FDCSP: variants seen among roughly 807,000 people sequenced by gnomAD.
FDCSP encodes follicular dendritic cell secreted peptide.
Under a neutral mutation model 8.9 loss-of-function variants are expected in FDCSP, and 8 were observed. The observed-to-expected ratio is 0.90, with a 90% CI of 0.53 to 1.63. FDCSP has a LOEUF of 1.63. FDCSP is among the 40% of genes most tolerant of loss of function. The probability of loss-of-function intolerance (pLI) is 0.00; values close to 1 mark genes in which losing one functional copy is unlikely to be tolerated. For missense variants in FDCSP, 101 were observed against 103.6 expected (o/e 0.98, Z 0.11); for synonymous variants, 34 against 34.5 (o/e 0.98, Z 0.06).
In FDCSP at chr4:70,226,546, GC is replaced by G. The variant is rs1372661401; in HGVS notation, c.-1+368del. 1.8e-4 allele frequency among the ~76,000 whole-genome samples: 27 copies of G among 151,824 alleles called. No individual in the cohort carries two copies. The East Asian group carries it at 4.5e-3, about 25-fold the overall frequency. The stretch of plus-strand genomic sequence containing the variant: ...TCAGGTCAGCAAACAGAGGGAATAC[GC>G]CCCGCCAGAGATTCTCTAAAGTCTG... On this transcript the variant is annotated intron_variant, in intron 1 of 4. Transcript: ENST00000317987.
intron 3 of FDCSP, 54 bp from the exon 4 acceptor site, chr4:70,233,966 T>C (rs1730130376): frequency 1.3e-6 from 2 of 1,506,548 alleles, no homozygotes; most frequent in African/African-American, 1.4e-5. Context: ...AGCTGTTTTA[T>C]TTCTCTTCTT....
rs778306972 is a variant in FDCSP, at chr4:70,234,051, T to A, written c.122T>A (p.Phe41Tyr). 1.6e-5 allele frequency: 26 copies of A among 1,607,384 alleles called. No homozygotes were observed. The change falls in exon 4 of 5, where the codon TTT becomes TAT. Residue 41 changes from phenylalanine (F) to tyrosine (Y), a missense_variant. By Grantham distance (22) the Phe-to-Tyr change is conservative. Coordinates refer to ENST00000317987, the MANE Select transcript of FDCSP (RefSeq NM_152997.4). ...GACAGCGATGAATTAGCTTCAGGGT[T>A]TTTTGTGTTCCCTTACCCATATCCA... ...ISDSDELASGFFVFPYPYPFR... is the reference protein window; with the variant it reads ...ISDSDELASGYFVFPYPYPFR...
chr4:70,232,884 A>T (rs538110490), intron 2 of FDCSP, 110 bp from the exon 3 acceptor site: 1 of 960,772 alleles, frequency 1.0e-6, no homozygotes, highest in African/African-American at 1.7e-5. Flanking sequence ...TATTTTAAAA[A>T]ATGGTTATTA....
In FDCSP at chr4:70,234,061, C is replaced by T. The variant is rs192079267; in HGVS notation, c.132C>T (p.Phe44=). 5.6e-6 allele frequency: 9 copies of T among 1,609,512 alleles called. No homozygotes were observed. The African/African-American group carries it at 9.4e-5, about 17-fold the overall frequency. Reference sequence around the variant, plus strand: ...AATTAGCTTCAGGGTTTTTTGTGTTCCCTTACCCATATCCATTTCGCCCAC... The same window carrying T: ...AATTAGCTTCAGGGTTTTTTGTGTTTCCTTACCCATATCCATTTCGCCCAC... The part of the protein sequence containing the change: ...SDELASGFFV[F]PYPYPFRPLP... The change falls in exon 4 of 5, where the codon TTC becomes TTT. Residue 44 remains phenylalanine (F), a synonymous_variant. Transcript: ENST00000317987.
At position 70,233,435 on chromosome 4, in the gene FDCSP, G is replaced by T. The variant is rs147149010; in HGVS notation, c.90+409G>T. 1.1e-4 allele frequency among the ~76,000 whole-genome samples: 16 copies of T among 151,806 alleles called. No individual in the cohort carries two copies. In the East Asian group the frequency reaches 2.9e-3, roughly 28 times the overall value. ...CCTCCCAGTGGCAAATTCACTCATGGATTATTTGGGTCTAAACAGTTAACT... is the reference window on the plus strand; with the variant it reads ...CCTCCCAGTGGCAAATTCACTCATGTATTATTTGGGTCTAAACAGTTAACT... On this transcript the variant is annotated intron_variant, in intron 3 of 4. Transcript: ENST00000317987.
intron 1 of FDCSP, 117 bp downstream of exon 1, chr4:70,226,299 G>A (rs1729983816): frequency 1.3e-5 from 2 of 151,858 alleles, no homozygotes. Context: ...TAATTGTTGA[G>A]ACTAAATTGT....
In FDCSP at chr4:70,233,975, T is replaced by A. The variant is rs770329535; in HGVS notation, c.91-45T>A. On this transcript the variant is annotated intron_variant, in intron 3 of 4. Coordinates refer to ENST00000317987, the MANE Select transcript of FDCSP (RefSeq NM_152997.4). ...AAGCAAAGCTGTTTTATTTCTCTTC[T>A]TTGTAAAAAGTGAAATAAACCCTTT... 13 of 1,525,714 alleles carry A rather than the reference T, an allele frequency of 8.5e-6. No individual in the cohort carries two copies. The Admixed American group carries it at 2.6e-4, about 31-fold the overall frequency. 94.5% of individuals were successfully genotyped at this position (1,525,714 alleles called of 1,614,324 possible). A position where few individuals can be genotyped will look rare whatever the true frequency, so the allele number is the denominator to read the frequency against.
intron 1 of FDCSP, among the ~76,000 whole-genome samples, chr4:70,229,708 G>A (rs889425932): frequency 5.9e-5 from 9 of 151,518 alleles, no homozygotes; most frequent in Non-Finnish European, 1.3e-4. Flanking sequence ...TGGAGCAATC[G>A]AAACATTCAC....
At chr4:70,232,861 G>C in intron 2 of FDCSP, 133 bp from the exon 3 acceptor site, 3 of 792,918 alleles carry the variant, frequency 3.8e-6, no homozygotes, top group Non-Finnish European at 6.1e-6. Flanking sequence ...TACATTTCTA[G>C]ACAAATTATG....
intron 1 of FDCSP, among the ~76,000 whole-genome samples, chr4:70,227,748 T>C (rs1730012082): frequency 6.6e-6 from 1 of 151,752 alleles, no homozygotes; most frequent in South Asian, 2.1e-4. Flanking sequence ...GCAGGTCAAA[T>C]GAATTTCTTG....
chr4:70,233,548 G>A (rs1730122994), intron 3 of FDCSP, among the ~76,000 whole-genome samples: 2 of 151,534 alleles, frequency 1.3e-5, no homozygotes, highest in Admixed American at 1.3e-4. Context: ...CCTGTTATCT[G>A]GAAAGCATGA....
chr4:70,234,270 A>G (rs763600623), intron 4 of FDCSP, 55 bp downstream of exon 4: 2 of 1,403,458 alleles, frequency 1.4e-6, no homozygotes, highest in South Asian at 2.9e-5. Flanking sequence ...ATTGGAATCC[A>G]TAATTTCAAG....
intron 4 of FDCSP, 61 bp from the exon 5 acceptor site, chr4:70,235,022 GTA>G (rs1241070513): frequency 6.6e-6 from 1 of 151,518 alleles, no homozygotes; most frequent in Admixed American, 6.6e-5. Flanking sequence ...TGCAGAAAAT[GTA>G]TATGTTTCCA....
At position 70,229,502 on chromosome 4, in the gene FDCSP, T is replaced by C. The variant is rs76540739; in HGVS notation, c.1-1693T>C. Among the ~76,000 whole-genome samples, 1,115 of 151,950 alleles carry C rather than the reference T, an allele frequency of 7.3e-3. 13 individuals carry two copies. Among genetic ancestry groups the C allele is most frequent in the African/African-American group, 0.025 (1,051 of 41,520 alleles). On this transcript the variant is annotated intron_variant, in intron 1 of 4. Coordinates refer to ENST00000317987, the MANE Select transcript of FDCSP (RefSeq NM_152997.4). ...CAAGATCCTAGCTTTCAGCTTATCTTGGCTTTTGACATTCCTTCTTCACTA... is the reference window on the plus strand; with the variant it reads ...CAAGATCCTAGCTTTCAGCTTATCTCGGCTTTTGACATTCCTTCTTCACTA...
intron 1 of FDCSP, among the ~76,000 whole-genome samples, chr4:70,229,556 G>A (rs1730044618): frequency 6.6e-6 from 1 of 151,644 alleles, no homozygotes; most frequent in Non-Finnish European, 1.5e-5. Flanking sequence ...ATGTAAAGTA[G>A]GAGACATGCG....
chr4:70,226,298 A>C (rs750493219), intron 1 of FDCSP, 116 bp downstream of exon 1: 1 of 152,082 alleles, frequency 6.6e-6, no homozygotes, highest in East Asian at 1.9e-4. Context: ...TTAATTGTTG[A>C]GACTAAATTG....
chr4:70,230,535 T>C (rs1404100220), intron 1 of FDCSP, among the ~76,000 whole-genome samples: 1 of 151,646 alleles, frequency 6.6e-6, no homozygotes, highest in Non-Finnish European at 1.5e-5. Context: ...TAAAATGCTT[T>C]GGAAAGTCCT....
intron 1 of FDCSP, among the ~76,000 whole-genome samples, chr4:70,226,578 G>C (rs193226259): frequency 2.7e-3 from 411 of 151,950 alleles, no homozygotes; most frequent in African/African-American, 9.3e-3. Context: ...GTCTGAGCAA[G>C]TGCCAATTTC....
chr4:70,232,098 T>C (rs145017970), intron 2 of FDCSP, among the ~76,000 whole-genome samples: 2,970 of 151,862 alleles, frequency 0.02, 36 homozygotes, highest in Non-Finnish European at 0.029. Flanking sequence ...AAGGTTAATT[T>C]ATTATCAAGG....
Sources: gnomAD v4.1 joint callset for allele counts (sites outside exome capture counted in the v4.1 genomes callset) on GRCh38, gnomAD v4.1.1 for gene constraint, MANE v1.5 for transcripts, NCBI Gene and HGNC (gene_info 2026-07-23, HGNC 2026-07-21) for gene names.